Variants in SGCD observed in about 807,000 individuals in gnomAD.
SGCD encodes the protein sarcoglycan delta, also known as delta-sarcoglycan.
In SGCD, 18 loss-of-function variants were observed where a neutral mutation model predicts 36.6. That is an observed-to-expected ratio of 0.49 (90% CI 0.34 to 0.73). SGCD has a LOEUF of 0.73. Ranked by LOEUF, SGCD falls within the 30% of genes least tolerant of loss-of-function variation. The pLI is 0.01. For missense variants in SGCD, 387 were observed against 346.7 expected, an observed-to-expected ratio of 1.12 and a Z score of -0.92; for synonymous variants, 133 against 130.6, an observed-to-expected ratio of 1.02 and a Z score of -0.12.
At chr5:156,056,905 A>G (rs1329892751) in intron 1 of SGCD, among the ~76,000 whole-genome samples, 1 of 146,022 alleles carries the variant, frequency 6.8e-6, no homozygotes, top group Non-Finnish European at 1.5e-5. Context: ...GCGATGACTG[A>G]TACCTACTTA....
intron 4 of SGCD, among the ~76,000 whole-genome samples, chr5:156,544,947 A>T (rs765681741): frequency 1.3e-5 from 2 of 152,184 alleles, no homozygotes; most frequent in African/African-American, 4.8e-5. Context: ...GAGGAGTCCA[A>T]GCATTCTTCT....
chr5:156,275,314 G>C (rs1766287282), intron 3 of SGCD, among the ~76,000 whole-genome samples: 1 of 152,060 alleles, frequency 6.6e-6, no homozygotes, highest in Non-Finnish European at 1.5e-5. Context: ...GAAAATGCCA[G>C]GATTTCTATG....
At chr5:156,188,401 G>A (rs951064510) in intron 3 of SGCD, among the ~76,000 whole-genome samples, 14 of 152,110 alleles carry the variant, frequency 9.2e-5, no homozygotes, top group Admixed American at 7.2e-4. Context: ...AAAGGTAGTG[G>A]CTAATACTCG....
upstream of SGCD, among the ~76,000 whole-genome samples, chr5:155,867,535 T>C (rs937709268): frequency 6.6e-6 from 1 of 152,160 alleles, no homozygotes; most frequent in Non-Finnish European, 1.5e-5. Flanking sequence ...ACGGCAGTTA[T>C]AGTAGATGCA....
chr5:156,144,804 A>G (rs1762672457), intron 3 of SGCD, among the ~76,000 whole-genome samples: 1 of 152,136 alleles, frequency 6.6e-6, no homozygotes, highest in Non-Finnish European at 1.5e-5. Context: ...TCCTTATGGA[A>G]TGGGAGTATT....
At chr5:156,136,626 T>C (rs1354357676) in intron 3 of SGCD, among the ~76,000 whole-genome samples, 4 of 152,168 alleles carry the variant, frequency 2.6e-5, no homozygotes, top group Non-Finnish European at 4.4e-5. Flanking sequence ...TAGGAGATAA[T>C]GTGCACACAT....
chr5:156,030,972 T>C (rs999178937), intron 1 of SGCD, among the ~76,000 whole-genome samples: 1 of 152,174 alleles, frequency 6.6e-6, no homozygotes, highest in Non-Finnish European at 1.5e-5. Flanking sequence ...AAAAGTAGAT[T>C]GGTGCTAGAC....
intron 3 of SGCD, among the ~76,000 whole-genome samples, chr5:156,272,636 C>G (rs1459134737): frequency 1.3e-5 from 2 of 152,196 alleles, no homozygotes; most frequent in Non-Finnish European, 2.9e-5. Flanking sequence ...TGCCTTTTCT[C>G]AAAGAACTAA....
In SGCD at chr5:155,881,295, A is replaced by AAAATAAATAAATAAAAT. The variant is rs1755878109; in HGVS notation, c.-282+10886_-282+10887insATAAATAAATAAATAAA. ...TGATTCCAGATCACCACCTCACCAC[A>AAAATAAATAAATAAAAT]AAATAAATAAATAAATAAATAAATA... On this transcript the variant is annotated intron_variant, in intron 1 of 9. Coordinates refer to the SGCD transcript ENST00000517913. 5.5e-5 allele frequency among the ~76,000 whole-genome samples: 8 copies of AAAATAAATAAATAAAAT among 145,590 alleles called. No individual in the cohort carries two copies. In the East Asian group the frequency reaches 1.6e-3, roughly 29 times the overall value.
At chr5:155,781,354 C>T in the SGCD span, among the ~76,000 whole-genome samples, 2 of 152,212 alleles carry the variant, frequency 1.3e-5, no homozygotes, top group African/African-American at 4.8e-5. Flanking sequence ...ATTCCTATCA[C>T]ACCTCGCAAA....
chr5:156,061,791 G>C (rs1246504074), intron 1 of SGCD, among the ~76,000 whole-genome samples: 1 of 145,460 alleles, frequency 6.9e-6, no homozygotes, highest in East Asian at 1.9e-4. Context: ...CAGTTTCATA[G>C]ATGAACTGAC....
At chr5:156,080,292 G>A (rs1236152374) in intron 1 of SGCD, among the ~76,000 whole-genome samples, 1 of 152,196 alleles carries the variant, frequency 6.6e-6, no homozygotes, top group Non-Finnish European at 1.5e-5. Context: ...CTGGGCTTGT[G>A]ATTTGGGCTG....
chr5:156,074,528 A>G (rs1333148401), intron 1 of SGCD, among the ~76,000 whole-genome samples: 1 of 150,906 alleles, frequency 6.6e-6, no homozygotes, highest in Admixed American at 6.6e-5. Context: ...CTAAAAATAT[A>G]AAAATTAGCC....
chr5:156,000,077 T>C (rs757125628), intron 1 of SGCD, among the ~76,000 whole-genome samples: 10 of 152,208 alleles, frequency 6.6e-5, no homozygotes, highest in African/African-American at 2.4e-4. Context: ...GCACATAGCT[T>C]CAGCCCTGGG....
chr5:156,186,154 C>G (rs1370692846), intron 3 of SGCD, among the ~76,000 whole-genome samples: 1 of 151,534 alleles, frequency 6.6e-6, no homozygotes, highest in African/African-American at 2.4e-5. Flanking sequence ...CCTGTTGAAC[C>G]CCTCTTATAC....
intron 3 of SGCD, among the ~76,000 whole-genome samples, chr5:156,394,163 C>T (rs1771731671): frequency 6.6e-6 from 1 of 152,072 alleles, no homozygotes; most frequent in African/African-American, 2.4e-5. Flanking sequence ...ATGATTTAGT[C>T]ATGTCTGGAT....
At chr5:156,151,637 T>C (rs772086857) in intron 3 of SGCD, among the ~76,000 whole-genome samples, 1 of 151,552 alleles carries the variant, frequency 6.6e-6, no homozygotes, top group Non-Finnish European at 1.5e-5. Context: ...AGCACCAAGA[T>C]ACTGCCTAGG....
rs565899360 is a variant in SGCD at position 156,616,984 on chromosome 5, T to C, written c.502+21933T>C. Among the ~76,000 whole-genome samples, 147 of 152,274 alleles carry C rather than the reference T, an allele frequency of 9.7e-4. No homozygotes were observed. The Middle Eastern group carries it at 0.014, about 14-fold the overall frequency. ...TATCTGGCCCTTTACAAAAAAAAAG[T>C]TTGCCAGTTCCTGATCTGTGCCTCC... On this transcript the variant is annotated intron_variant, in intron 6 of 8. Transcript: ENST00000337851.
intron 3 of SGCD, among the ~76,000 whole-genome samples, chr5:156,216,925 A>G (rs1212319025): frequency 1.3e-5 from 2 of 152,132 alleles, no homozygotes; most frequent in African/African-American, 4.8e-5. Flanking sequence ...CTAAAAATAC[A>G]AAAATTAGGC....
Sources: allele counts gnomAD v4.1 joint callset (sites outside exome capture counted in the v4.1 genomes callset), GRCh38; gene constraint gnomAD v4.1.1; transcripts MANE v1.5; gene names NCBI Gene and HGNC (gene_info 2026-07-23, HGNC 2026-07-21).